The following SPATA16 variants were observed in gnomAD, a reference collection of about 807,000 sequenced individuals.
SPATA16 encodes spermatogenesis-associated protein 16.
SPATA16 carries 36 observed loss-of-function variants against 63.3 expected under a neutral mutation model. The observed-to-expected ratio is 0.57, with a 90% CI of 0.44 to 0.75. The LOEUF (loss-of-function observed/expected upper bound fraction) is 0.75, where lower values mean the gene tolerates loss of function less well. Among genes scored for constraint, SPATA16 ranks in the 30% least tolerant of loss-of-function variants. The pLI is 0.00. For missense variants in SPATA16, 646 were observed against 679.3 expected, an observed-to-expected ratio of 0.95 and a Z score of 0.54; for synonymous variants, 203 against 216.7, an observed-to-expected ratio of 0.94 and a Z score of 0.56.
rs760900964 is a variant in SPATA16 at position 173,049,052 on chromosome 3, G to A, written c.655C>T (p.Pro219Ser). The A allele has an allele frequency of 1.1e-5, 18 of 1,613,576 alleles. No individual in the cohort carries two copies. The highest frequency in any genetic ancestry group is 1.3e-5 in the Non-Finnish European group (15 of 1,179,764). The change falls in exon 3 of 11, where the codon CCT becomes TCT. Residue 219 changes from proline to serine, a missense_variant. By Grantham distance (74) the Pro-to-Ser change is moderately conservative (BLOSUM62 -1). Coordinates refer to ENST00000351008, the MANE Select transcript of SPATA16 (RefSeq NM_031955.6). ...GAVLGEPFDA[P>S]AEDIASVASF... The stretch of plus-strand genomic sequence containing the variant: ...GCCACGCTTGCTATATCTTCAGCAG[G>A]TGCATCAAATGGTTCTCCCAGAACT...
At chr3:172,944,715 T>C (rs1733240197) in intron 6 of SPATA16, among the ~76,000 whole-genome samples, 2 of 152,370 alleles carry the variant, frequency 1.3e-5, no homozygotes, top group South Asian at 4.1e-4. Flanking sequence ...GAAGACATTA[T>C]GCTAAGTGAA....
chr3:173,139,036 A>G (rs1738628238), intron 1 of SPATA16, among the ~76,000 whole-genome samples: 1 of 152,222 alleles, frequency 6.6e-6, no homozygotes, highest in African/African-American at 2.4e-5. Context: ...GAATTCTGAT[A>G]TCAGTCATAG....
chr3:172,890,848 C>T (rs1731880146), intron 10 of SPATA16, among the ~76,000 whole-genome samples: 1 of 149,792 alleles, frequency 6.7e-6, no homozygotes, highest in African/African-American at 2.4e-5. Context: ...TTAAAAAGCA[C>T]ATTGTTTTTT....
intron 4 of SPATA16, among the ~76,000 whole-genome samples, chr3:172,997,744 A>G (rs1422739898): frequency 6.6e-6 from 1 of 152,004 alleles, no homozygotes; most frequent in Non-Finnish European, 1.5e-5. Context: ...TTACATTTAG[A>G]TCTGTGATCC....
At chr3:172,898,770 T>G (rs542083294) in intron 10 of SPATA16, among the ~76,000 whole-genome samples, 21 of 151,904 alleles carry the variant, frequency 1.4e-4, no homozygotes, top group Admixed American at 5.2e-4. Flanking sequence ...TATTTTGTCC[T>G]TCTTTTTCTA....
At chr3:172,991,518 G>A (rs1251967279) in intron 4 of SPATA16, among the ~76,000 whole-genome samples, 1 of 152,114 alleles carries the variant, frequency 6.6e-6, no homozygotes, top group African/African-American at 2.4e-5. Flanking sequence ...GAGATAACAT[G>A]TATTTATCTG....
chr3:173,003,485 C>T (rs916574774), intron 4 of SPATA16, among the ~76,000 whole-genome samples: 3 of 152,188 alleles, frequency 2.0e-5, no homozygotes, highest in African/African-American at 2.4e-5. Context: ...TGCTGCTTAT[C>T]GGCAGTGTAA....
At chr3:172,998,214 A>G (rs926567077) in intron 4 of SPATA16, among the ~76,000 whole-genome samples, 1 of 152,096 alleles carries the variant, frequency 6.6e-6, no homozygotes, top group African/African-American at 2.4e-5. Flanking sequence ...TTCTTTCCAC[A>G]GAGTTTTGTA....
intron 4 of SPATA16, among the ~76,000 whole-genome samples, chr3:173,007,562 G>T (rs1237573013): frequency 6.6e-6 from 1 of 152,136 alleles, no homozygotes; most frequent in African/African-American, 2.4e-5. Context: ...AAATAGCTTT[G>T]AAATCCAGTG....
chr3:173,114,255 TC>T (rs913393501), intron 2 of SPATA16, among the ~76,000 whole-genome samples: 11 of 151,524 alleles, frequency 7.3e-5, no homozygotes, highest in Non-Finnish European at 1.5e-5. Flanking sequence ...ATGCTACTTA[TC>T]CTTCAATACC....
At chr3:173,136,509 A>G (rs1577194181) in intron 1 of SPATA16, among the ~76,000 whole-genome samples, 1 of 152,242 alleles carries the variant, frequency 6.6e-6, no homozygotes. Context: ...AAACCATCCA[A>G]TTATACCGTT....
At chr3:173,067,120 A>C (rs1224724167) in intron 2 of SPATA16, among the ~76,000 whole-genome samples, 1 of 152,122 alleles carries the variant, frequency 6.6e-6, no homozygotes, top group Non-Finnish European at 1.5e-5. Context: ...CAATCAGACG[A>C]GAAAAAGGAA....
At chr3:172,895,553 C>G (rs1318261349) in intron 10 of SPATA16, among the ~76,000 whole-genome samples, 1 of 152,114 alleles carries the variant, frequency 6.6e-6, no homozygotes, top group Non-Finnish European at 1.5e-5. Context: ...TCAGGCTGGT[C>G]TTGAACTCCT....
chr3:173,025,864 T>C (rs1735439462), intron 3 of SPATA16, among the ~76,000 whole-genome samples: 1 of 152,056 alleles, frequency 6.6e-6, no homozygotes, highest in Non-Finnish European at 1.5e-5. Flanking sequence ...GAACACTCTG[T>C]TGTTTCTGTT....
At chr3:173,099,649 A>G (rs981147782) in intron 2 of SPATA16, among the ~76,000 whole-genome samples, 2 of 152,196 alleles carry the variant, frequency 1.3e-5, no homozygotes. Flanking sequence ...CGAATTTTGA[A>G]CTGTGTAAAT....
At chr3:173,087,529 G>A (rs1737088702) in intron 2 of SPATA16, among the ~76,000 whole-genome samples, 1 of 152,106 alleles carries the variant, frequency 6.6e-6, no homozygotes, top group Non-Finnish European at 1.5e-5. Context: ...TACATTTAAG[G>A]TTAATATTGC....
At chr3:172,986,548 C>T (rs1734463287) in intron 4 of SPATA16, among the ~76,000 whole-genome samples, 1 of 152,086 alleles carries the variant, frequency 6.6e-6, no homozygotes, top group African/African-American at 2.4e-5. Flanking sequence ...GTTAGCCAAG[C>T]AAAGGGAGCA....
At chr3:173,057,769 T>A (rs1325581157) in intron 2 of SPATA16, among the ~76,000 whole-genome samples, 2 of 152,244 alleles carry the variant, frequency 1.3e-5, no homozygotes, top group Non-Finnish European at 1.5e-5. Flanking sequence ...TAGAAACTTT[T>A]ACAGCAAATC....
At chr3:173,134,127 A>C (rs887214178) in intron 1 of SPATA16, among the ~76,000 whole-genome samples, 4 of 152,214 alleles carry the variant, frequency 2.6e-5, no homozygotes, top group Admixed American at 2.6e-4. Context: ...GATAAATTAC[A>C]CCACCTGAAA....
Sources: allele counts gnomAD v4.1 joint callset (sites outside exome capture counted in the v4.1 genomes callset), GRCh38; gene constraint gnomAD v4.1.1; transcripts MANE v1.5; gene names NCBI Gene and HGNC (gene_info 2026-07-23, HGNC 2026-07-21).